ELP4: variants seen among roughly 807,000 people sequenced by gnomAD.
ELP4 encodes elongator acetyltransferase complex subunit 4.
Under a neutral mutation model 48.9 loss-of-function variants are expected in ELP4, and 51 were observed. That is an observed-to-expected ratio of 1.04 (90% CI 0.83 to 1.32). ELP4 has a LOEUF of 1.32. Among genes scored for constraint, ELP4 ranks in the 40% most tolerant of loss-of-function variants. The pLI is 0.00. For synonymous variants in ELP4, 210 were observed against 189.2 expected (o/e 1.11, Z -0.90); for missense variants, 519 against 514.6 (o/e 1.01, Z -0.08).
At position 31,785,608 on chromosome 11, in the gene ELP4, C is replaced by T. The variant is rs1948554510; in HGVS notation, c.*2084C>T. On this transcript the variant is annotated 3_prime_UTR_variant, in exon 10 of 10. Coordinates refer to ENST00000640961, the MANE Select transcript of ELP4 (RefSeq NM_019040.5). The stretch of plus-strand genomic sequence containing the variant: ...TACCTGGGCTTTCCAAAAATCATAT[C>T]CAAGTGCTTTGTTTTTCTAATTCAC... 5.1e-6 allele frequency: 1 copy of T among 197,810 alleles called. No individual in the cohort carries two copies. The highest frequency in any genetic ancestry group is 1.9e-4 in the South Asian group (1 of 5,216). 12.3% of individuals were successfully genotyped at this position (197,810 alleles called of 1,614,324 possible).
chr11:31,581,353 T>C (rs1283023031), intron 3 of ELP4, among the ~76,000 whole-genome samples: 1 of 152,164 alleles, frequency 6.6e-6, no homozygotes, highest in Non-Finnish European at 1.5e-5. Context: ...AACTTGAGAG[T>C]GAATGGAGGT....
At chr11:31,701,779 A>T (rs1462053740) in intron 9 of ELP4, among the ~76,000 whole-genome samples, 1 of 151,074 alleles carries the variant, frequency 6.6e-6, no homozygotes, top group Non-Finnish European at 1.5e-5. Flanking sequence ...GGTAAATTTT[A>T]TTTTACCTAA....
intron 9 of ELP4, among the ~76,000 whole-genome samples, chr11:31,738,613 A>G (rs1275932641): frequency 6.6e-6 from 1 of 151,872 alleles, no homozygotes; most frequent in Non-Finnish European, 1.5e-5. Context: ...GAATGCGCCT[A>G]TAGTCTCAGC....
At chr11:31,546,937 C>A (rs373811985) in intron 3 of ELP4, among the ~76,000 whole-genome samples, 7 of 147,956 alleles carry the variant, frequency 4.7e-5, no homozygotes, top group Non-Finnish European at 9.1e-5. Flanking sequence ...TTGAAACCAA[C>A]GAGAACAAAG....
At chr11:31,729,875 A>G (rs934097476) in intron 9 of ELP4, among the ~76,000 whole-genome samples, 1 of 152,214 alleles carries the variant, frequency 6.6e-6, no homozygotes, top group East Asian at 1.9e-4. Context: ...CTTATTCTTC[A>G]TATAATTTAG....
rs3781855 is a variant in ELP4 at position 31,727,429 on chromosome 11, G to A, written c.1144-55964G>A. ...TTCTAATATAGCACTTCTCCTTAAAGAATAGAAGATAAGGTTACCACTTTT... is the reference window on the plus strand; with the variant it reads ...TTCTAATATAGCACTTCTCCTTAAAAAATAGAAGATAAGGTTACCACTTTT... On this transcript the variant is annotated intron_variant, in intron 9 of 9. Coordinates refer to ENST00000640961, the MANE Select transcript of ELP4 (RefSeq NM_019040.5). Among the ~76,000 whole-genome samples, 550 of 152,174 alleles carry A rather than the reference G, an allele frequency of 3.6e-3. 7 individuals are homozygous for A. The highest frequency in any genetic ancestry group is 0.034 in the East Asian group (175 of 5,174).
intron 9 of ELP4, among the ~76,000 whole-genome samples, chr11:31,753,390 T>C (rs1261818526): frequency 6.6e-6 from 1 of 152,240 alleles, no homozygotes; most frequent in Non-Finnish European, 1.5e-5. Flanking sequence ...GGCCTTGATA[T>C]TGCTATTCCC....
chr11:31,713,324 T>C (rs1946780361), intron 9 of ELP4, among the ~76,000 whole-genome samples: 1 of 152,230 alleles, frequency 6.6e-6, no homozygotes, highest in South Asian at 2.1e-4. Context: ...AGTTTTACTG[T>C]TGATTCTAAC....
rs551954860 is a variant in ELP4 at position 31,582,691 on chromosome 11, T to C, written c.382-12079T>C. ...GGACTGAAAAACTAATTGTAAGTGC[T>C]GTGTGTTTGGGCATGAAACTTATGA... On this transcript the variant is annotated intron_variant, in intron 3 of 9. Transcript: ENST00000640961. Among the ~76,000 whole-genome samples the C allele has an allele frequency of 3.3e-5, 5 of 152,342 alleles. No homozygotes were observed. In the East Asian group the frequency reaches 9.6e-4, roughly 29 times the overall value.
intron 9 of ELP4, among the ~76,000 whole-genome samples, chr11:31,691,261 T>C (rs1184049351): frequency 6.6e-6 from 1 of 152,114 alleles, no homozygotes; most frequent in African/African-American, 2.4e-5. Context: ...TTAATGCTTA[T>C]TTTATGCAAA....
At chr11:31,588,115 T>C (rs1409099087) in intron 3 of ELP4, among the ~76,000 whole-genome samples, 1 of 152,172 alleles carries the variant, frequency 6.6e-6, no homozygotes, top group African/African-American at 2.4e-5. Flanking sequence ...GTTTATGTTA[T>C]ACTCCACATG....
In ELP4 at chr11:31,783,484, G is replaced by A. The variant is rs1948426582; in HGVS notation, c.1235G>A (p.Cys412Tyr). ...AESAKRLGPG[C>Y]GMMAGGKKHL... The stretch of plus-strand genomic sequence containing the variant: ...TCCGCCAAGCGGCTGGGCCCAGGCT[G>A]TGGCATGATGGCCGGAGGCAAGAAG... The change falls in exon 10 of 10, where the codon TGT (cysteine) becomes TAT (tyrosine). Residue 412 changes from cysteine (C) to tyrosine (Y), a missense_variant. Cys to Tyr is a radical substitution (Grantham distance 194). Transcript: ENST00000640961. 1 of 1,614,130 alleles carries A rather than the reference G, an allele frequency of 6.2e-7. No homozygotes were observed. Among genetic ancestry groups the A allele is most frequent in the Non-Finnish European group, 8.5e-7 (1 of 1,179,958 alleles).
chr11:31,626,474 T>C (rs2055596077), intron 5 of ELP4, among the ~76,000 whole-genome samples: 1 of 151,850 alleles, frequency 6.6e-6, no homozygotes, highest in African/African-American at 2.4e-5. Context: ...GGATATTTCA[T>C]AGCATTTGTA....
chr11:31,665,224 A>G (rs1945645654), intron 9 of ELP4, among the ~76,000 whole-genome samples: 1 of 152,136 alleles, frequency 6.6e-6, no homozygotes, highest in Non-Finnish European at 1.5e-5. Flanking sequence ...GATGAGCCTG[A>G]GGTGAACATA....
At chr11:31,692,449 T>G (rs961708579) in intron 9 of ELP4, among the ~76,000 whole-genome samples, 1 of 152,200 alleles carries the variant, frequency 6.6e-6, no homozygotes, top group African/African-American at 2.4e-5. Context: ...ATAATGAATT[T>G]TGAAAACTAT....
At chr11:31,739,139 A>C (rs1947391045) in intron 9 of ELP4, among the ~76,000 whole-genome samples, 1 of 152,124 alleles carries the variant, frequency 6.6e-6, no homozygotes, top group East Asian at 1.9e-4. Context: ...CAATATTCTC[A>C]TGACAAATGG....
rs1431978827 is a variant in ELP4 at position 31,788,126 on chromosome 11, G to A, written c.*4602G>A. ...GCTTATTTTTTTCCATCCTTTGCTT[G>A]GGCTCAAGCACTCCTGCCCTGCGTG... On this transcript the variant is annotated 3_prime_UTR_variant, in exon 10 of 10. Coordinates refer to ENST00000640961, the MANE Select transcript of ELP4 (RefSeq NM_019040.5). The A allele has an allele frequency of 2.2e-5, 5 of 224,506 alleles. 1 individual carries two copies. The highest frequency in any genetic ancestry group is 8.9e-5 in the African/African-American group (4 of 44,822). The allele number at this position is 224,506 out of a possible 1,614,324, so 13.9% of individuals were successfully genotyped here.
intron 1 of ELP4, among the ~76,000 whole-genome samples, chr11:31,518,985 T>C (rs755640753): frequency 2.6e-5 from 4 of 151,998 alleles, no homozygotes; most frequent in Non-Finnish European, 5.9e-5. Context: ...ATTATTTTTT[T>C]TGTATTTTTA....
At chr11:31,674,038 T>C (rs1450815392) in intron 9 of ELP4, among the ~76,000 whole-genome samples, 2 of 152,192 alleles carry the variant, frequency 1.3e-5, no homozygotes, top group Admixed American at 1.3e-4. Flanking sequence ...ACAGGAAATG[T>C]AGTGTGTGGC....
Sources: gnomAD v4.1 joint callset for allele counts (sites outside exome capture counted in the v4.1 genomes callset) on GRCh38, gnomAD v4.1.1 for gene constraint, MANE v1.5 for transcripts, NCBI Gene and HGNC (gene_info 2026-07-23, HGNC 2026-07-21) for gene names.